Variants in CNTN5 observed in about 807,000 individuals in gnomAD.
CNTN5 encodes the protein contactin 5.
CNTN5 carries 77 observed loss-of-function variants against 129.1 expected under a neutral mutation model. That is an observed-to-expected ratio of 0.60 (90% CI 0.50 to 0.72). CNTN5 has a LOEUF of 0.72. Ranked by LOEUF, CNTN5 falls within the 30% of genes least tolerant of loss-of-function variation. The pLI, the probability that CNTN5 is intolerant of heterozygous loss-of-function variation, is 0.00. For missense variants in CNTN5, 1,478 were observed against 1,328.8 expected (o/e 1.11, Z -1.75); for synonymous variants, 509 against 465.6 (o/e 1.09, Z -1.20).
chr11:100,196,633 A>G (rs1948645472), intron 15 of CNTN5, among the ~76,000 whole-genome samples: 1 of 152,006 alleles, frequency 6.6e-6, no homozygotes, highest in Non-Finnish European at 1.5e-5. Flanking sequence ...AATTAAGTTT[A>G]AATTAAAACA....
At chr11:100,234,028 A>G (rs1392643642) in intron 16 of CNTN5, among the ~76,000 whole-genome samples, 1 of 152,236 alleles carries the variant, frequency 6.6e-6, no homozygotes, top group East Asian at 1.9e-4. Context: ...TTATGCAGCC[A>G]ACAAACATGA....
intron 18 of CNTN5, among the ~76,000 whole-genome samples, chr11:100,295,678 C>T (rs993120121): frequency 6.7e-6 from 1 of 149,628 alleles, no homozygotes; most frequent in Non-Finnish European, 1.5e-5. Flanking sequence ...TCTGAGCATC[C>T]TTTTTTTTTA....
At chr11:99,206,287 C>A (rs528995168) in intron 1 of CNTN5, among the ~76,000 whole-genome samples, 2 of 152,146 alleles carry the variant, frequency 1.3e-5, no homozygotes, top group Non-Finnish European at 2.9e-5. Context: ...TCAGGCTTTG[C>A]TTTAGGAGGT....
chr11:99,320,232 A>G (rs1865513372), intron 1 of CNTN5, among the ~76,000 whole-genome samples: 1 of 152,116 alleles, frequency 6.6e-6, no homozygotes, highest in Admixed American at 6.5e-5. Context: ...ACAGAGCAAG[A>G]CTCCTTCTCA....
At chr11:100,283,777 C>A (rs1950697683) in intron 18 of CNTN5, among the ~76,000 whole-genome samples, 1 of 152,034 alleles carries the variant, frequency 6.6e-6, no homozygotes, top group Admixed American at 6.6e-5. Context: ...GAAACATCGT[C>A]TCTACTGAAA....
At chr11:99,889,052 T>C (rs1278430423) in intron 6 of CNTN5, among the ~76,000 whole-genome samples, 1 of 152,196 alleles carries the variant, frequency 6.6e-6, no homozygotes, top group Non-Finnish European at 1.5e-5. Context: ...TAATCATGAT[T>C]AACTGACATC....
At chr11:99,153,645 G>A (rs1272430728) in intron 1 of CNTN5, among the ~76,000 whole-genome samples, 2 of 151,814 alleles carry the variant, frequency 1.3e-5, no homozygotes, top group African/African-American at 4.8e-5. Context: ...TGTCATTTCA[G>A]CCACTTCAGG....
At chr11:100,083,413 G>A (rs1944434729) in intron 13 of CNTN5, among the ~76,000 whole-genome samples, 1 of 151,850 alleles carries the variant, frequency 6.6e-6, no homozygotes, top group East Asian at 1.9e-4. Context: ...ATCATCAGGG[G>A]ATGATGCTAT....
At chr11:100,206,058 C>G (rs987297336) in intron 15 of CNTN5, among the ~76,000 whole-genome samples, 1 of 151,716 alleles carries the variant, frequency 6.6e-6, no homozygotes, top group African/African-American at 2.4e-5. Context: ...GTCAGTCTTA[C>G]AGAGGAACAT....
chr11:99,539,853 C>G (rs1948037620), intron 2 of CNTN5, among the ~76,000 whole-genome samples: 1 of 152,142 alleles, frequency 6.6e-6, no homozygotes, highest in African/African-American at 2.4e-5. Flanking sequence ...TTCCTCATCT[C>G]TAGCCCCACA....
intron 3 of CNTN5, among the ~76,000 whole-genome samples, chr11:99,679,224 T>C (rs1254414689): frequency 1.3e-5 from 2 of 148,806 alleles, no homozygotes; most frequent in East Asian, 2.0e-4. Flanking sequence ...AGAGATTATA[T>C]GTACATAGTA....
chr11:100,331,579 T>C (rs1039958567), intron 21 of CNTN5, among the ~76,000 whole-genome samples: 2 of 152,076 alleles, frequency 1.3e-5, no homozygotes, highest in African/African-American at 2.4e-5. Context: ...GACTATATGA[T>C]AGGCCACAAA....
At chr11:99,404,364 G>A (rs550897249) in intron 2 of CNTN5, among the ~76,000 whole-genome samples, 47 of 151,764 alleles carry the variant, frequency 3.1e-4, no homozygotes, top group African/African-American at 1.1e-3. Context: ...TGATAGGTAG[G>A]TAAGGACCTA....
At chr11:99,189,344 C>G (rs555365639) in intron 1 of CNTN5, among the ~76,000 whole-genome samples, 1 of 151,602 alleles carries the variant, frequency 6.6e-6, no homozygotes, top group South Asian at 2.1e-4. Flanking sequence ...ACTAATGTTG[C>G]AATGAGCATG....
chr11:99,417,944 G>A (rs754076430), intron 2 of CNTN5, among the ~76,000 whole-genome samples: 37 of 152,252 alleles, frequency 2.4e-4, no homozygotes, highest in Middle Eastern at 3.4e-3. Flanking sequence ...TGATCTCTGA[G>A]AAGTTACTCT....
intron 2 of CNTN5, among the ~76,000 whole-genome samples, chr11:99,475,674 C>T (rs936942708): frequency 1.3e-5 from 2 of 152,060 alleles, no homozygotes; most frequent in East Asian, 3.9e-4. Flanking sequence ...TCTAGTATGA[C>T]ATCATTAAAT....
intron 3 of CNTN5, among the ~76,000 whole-genome samples, chr11:99,678,085 A>G (rs916991422): frequency 3.9e-5 from 6 of 152,086 alleles, no homozygotes; most frequent in African/African-American, 1.4e-4. Context: ...ATTTGGGTAC[A>G]TTTGACTCTC....
chr11:99,779,665 T>C (rs1331714157), intron 3 of CNTN5, among the ~76,000 whole-genome samples: 2 of 152,020 alleles, frequency 1.3e-5, no homozygotes, highest in Admixed American at 6.6e-5. Context: ...ATTCTTACTA[T>C]ATTGACAAGG....
At chr11:99,425,566 AC>A (rs1353419364) in intron 2 of CNTN5, among the ~76,000 whole-genome samples, 1 of 151,828 alleles carries the variant, frequency 6.6e-6, no homozygotes, top group Non-Finnish European at 1.5e-5. Flanking sequence ...ATGTGTGCAC[AC>A]TCCCTGGTTT....
Sources: allele counts gnomAD v4.1 joint callset (sites outside exome capture counted in the v4.1 genomes callset), GRCh38; gene constraint gnomAD v4.1.1; transcripts MANE v1.5; gene names NCBI Gene and HGNC (gene_info 2026-07-23, HGNC 2026-07-21).